Variants in CNIH3 observed in about 807,000 individuals in gnomAD.
CNIH3 encodes the protein protein cornichon homolog 3.
A neutral mutation model predicts 24.1 loss-of-function variants in CNIH3; 14 were observed. That is an observed-to-expected ratio of 0.58 (90% CI 0.38 to 0.91). CNIH3 has a LOEUF of 0.91. Among genes scored for constraint, CNIH3 ranks in the 40% least tolerant of loss-of-function variants. The pLI is 0.00. For missense variants in CNIH3, 178 were observed against 196.8 expected (o/e 0.90, Z 0.57); for synonymous variants, 68 against 73.8 (o/e 0.92, Z 0.40).
At chr1:224,712,831 C>G (rs561015746) in intron 3 of CNIH3, among the ~76,000 whole-genome samples, 1 of 152,250 alleles carries the variant, frequency 6.6e-6, no homozygotes, top group Admixed American at 6.5e-5. Flanking sequence ...CATTCTGGCT[C>G]TCTGATGATC....
At chr1:224,600,790 G>T (rs535736609) in intron 3 of CNIH3, among the ~76,000 whole-genome samples, 1 of 152,186 alleles carries the variant, frequency 6.6e-6, no homozygotes, top group East Asian at 1.9e-4. Flanking sequence ...AGGTAATAAA[G>T]GTTAAACGGG....
chr1:224,627,731 A>G (rs1310454917), intron 1 of CNIH3, among the ~76,000 whole-genome samples: 1 of 152,078 alleles, frequency 6.6e-6, no homozygotes, highest in East Asian at 1.9e-4. Flanking sequence ...GCCATCTCGG[A>G]CCCACGAGTC....
In CNIH3 at chr1:224,681,194, T is replaced by C. The variant is rs1475838238; in HGVS notation, c.150+168T>C. Among the ~76,000 whole-genome samples the C allele has an allele frequency of 3.3e-5, 5 of 152,194 alleles. No individual in the cohort carries two copies. In the East Asian group the frequency reaches 9.7e-4, roughly 29 times the overall value. ...TGGAGGAGCCTTCTCATTCTTGAAG[T>C]GTGCTGAGGTCTTGAGATATGTTGC... On this transcript the variant is annotated intron_variant, in intron 2 of 5. Coordinates refer to ENST00000272133, the MANE Select transcript of CNIH3 (RefSeq NM_152495.2).
At chr1:224,603,182 T>A (rs888144968) in intron 3 of CNIH3, among the ~76,000 whole-genome samples, 3 of 152,200 alleles carry the variant, frequency 2.0e-5, no homozygotes, top group Admixed American at 2.0e-4. Flanking sequence ...GTCTTTGCAT[T>A]CAGTAAATCA....
At chr1:224,658,299 G>A (rs1005697015) in intron 1 of CNIH3, among the ~76,000 whole-genome samples, 1 of 152,078 alleles carries the variant, frequency 6.6e-6, no homozygotes, top group Non-Finnish European at 1.5e-5. Flanking sequence ...TCAAGTAGCT[G>A]GGACTACAGG....
At chr1:224,536,284 CTT>C (rs373201561) in intron 2 of CNIH3, among the ~76,000 whole-genome samples, 1,570 of 85,860 alleles carry the variant, frequency 0.018, 17 homozygotes, top group African/African-American at 0.074. Flanking sequence ...TAATTGTTGT[CTT>C]TTTTTTTTTT....
chr1:224,550,578 G>T (rs988915178), intron 3 of CNIH3, among the ~76,000 whole-genome samples: 2 of 152,092 alleles, frequency 1.3e-5, no homozygotes, highest in African/African-American at 4.8e-5. Flanking sequence ...GAGTGATGGT[G>T]TTTCTTTAAT....
intron 1 of CNIH3, among the ~76,000 whole-genome samples, chr1:224,469,145 A>G (rs1676267318): frequency 6.6e-6 from 1 of 152,038 alleles, no homozygotes; most frequent in Non-Finnish European, 1.5e-5. Context: ...TAGTGGTGCA[A>G]TCATGGCTCA....
intron 3 of CNIH3, among the ~76,000 whole-genome samples, chr1:224,711,575 G>C (rs1042608692): frequency 6.6e-6 from 1 of 151,840 alleles, no homozygotes; most frequent in Non-Finnish European, 1.5e-5. Context: ...TGGGTGGATT[G>C]CTTGCATCTA....
chr1:224,548,151 C>T (rs1357434614), intron 3 of CNIH3, among the ~76,000 whole-genome samples: 1 of 151,942 alleles, frequency 6.6e-6, no homozygotes, highest in Non-Finnish European at 1.5e-5. Flanking sequence ...TGGGTGCATA[C>T]CCTCGGATAT....
In CNIH3 at chr1:224,482,343, G is replaced by A. The variant is rs552919367; in HGVS notation, n.204-33398G>A. Among the ~76,000 whole-genome samples, 39 of 152,106 alleles carry A rather than the reference G, an allele frequency of 2.6e-4. 1 individual carries two copies. Among genetic ancestry groups the A allele is most frequent in the South Asian group, 1.5e-3 (7 of 4,816 alleles). On this transcript the variant is annotated intron_variant and non_coding_transcript_variant, in intron 1 of 5. Transcript: ENST00000471578. ...GTAGCGACCACAGCTGTGAATGTGC[G>A]GGGTCACAACTGAAGCCAGCATGTC...
At chr1:224,479,154 T>C (rs985677572) in intron 1 of CNIH3, among the ~76,000 whole-genome samples, 8 of 140,170 alleles carry the variant, frequency 5.7e-5, no homozygotes, top group Admixed American at 4.3e-4. Flanking sequence ...CTTTTTTTTT[T>C]TTTTTTTTTT....
intron 1 of CNIH3, among the ~76,000 whole-genome samples, chr1:224,470,383 G>T (rs562386327): frequency 6.7e-6 from 1 of 149,002 alleles, no homozygotes; most frequent in Non-Finnish European, 1.5e-5. Flanking sequence ...GCAGTGGCAC[G>T]ATCGTAGCTC....
chr1:224,739,299 T>C, intron 5 of CNIH3, 30 bp from the exon 6 acceptor site: 11 of 502,722 alleles, frequency 2.2e-5, no homozygotes, highest in African/African-American at 1.8e-4. Flanking sequence ...TCCTCTCTTT[T>C]TTTTTTTTTT....
upstream of CNIH3, among the ~76,000 whole-genome samples, chr1:224,511,419 C>T (rs1020220893): frequency 6.6e-6 from 1 of 152,182 alleles, no homozygotes; most frequent in Admixed American, 6.5e-5. Flanking sequence ...GAGTATTCTC[C>T]ACTTGGATTG....
chr1:224,672,689 C>G (rs1240734542), intron 1 of CNIH3, among the ~76,000 whole-genome samples: 1 of 152,178 alleles, frequency 6.6e-6, no homozygotes, highest in Non-Finnish European at 1.5e-5. Flanking sequence ...CTAATTACAC[C>G]TGCAAAGACC....
At chr1:224,457,662 T>C (rs947449337) in intron 1 of CNIH3, among the ~76,000 whole-genome samples, 16 of 152,278 alleles carry the variant, frequency 1.1e-4, no homozygotes, top group African/African-American at 3.9e-4. Context: ...TCTGTTCTTG[T>C]AACTTTCCAG....
intron 2 of CNIH3, among the ~76,000 whole-genome samples, chr1:224,532,236 T>C (rs1177301413): frequency 4.0e-5 from 6 of 151,894 alleles, no homozygotes; most frequent in African/African-American, 1.5e-4. Flanking sequence ...GTGCAAAGGC[T>C]CTAGAGAGTG....
intron 1 of CNIH3, among the ~76,000 whole-genome samples, chr1:224,621,268 G>A (rs1200878022): frequency 1.3e-5 from 2 of 152,224 alleles, no homozygotes; most frequent in African/African-American, 4.8e-5. Context: ...AGGCAGTTTT[G>A]TTAGAGAAGA....
Sources: allele counts gnomAD v4.1 joint callset (sites outside exome capture counted in the v4.1 genomes callset), GRCh38; gene constraint gnomAD v4.1.1; transcripts MANE v1.5; gene names NCBI Gene and HGNC (gene_info 2026-07-23, HGNC 2026-07-21).